The following MID1 variants were observed in gnomAD, a reference collection of about 807,000 sequenced individuals.
MID1 encodes the protein E3 ubiquitin-protein ligase Midline-1.
Under a neutral mutation model 40.4 loss-of-function variants are expected in MID1, and 7 were observed. The observed-to-expected ratio is 0.17, with a 90% CI of 0.10 to 0.33. The LOEUF is 0.33. MID1 is among the 10% of genes least tolerant of loss of function. The pLI is 1.00. For synonymous variants in MID1, 229 were observed against 221.2 expected (o/e 1.04, Z -0.31); for missense variants, 367 against 558.5 (o/e 0.66, Z 3.46).
intron 1 of MID1, among the ~76,000 whole-genome samples, chrX:10,637,910 T>C (rs956773766): frequency 6.2e-5 from 7 of 112,108 alleles, no homozygotes; most frequent in Admixed American, 1.9e-4. Flanking sequence ...GCAGGAACTC[T>C]CTGTACTACC....
chrX:10,694,181 G>A (rs2147078254), intron 1 of MID1, among the ~76,000 whole-genome samples: 1 of 111,948 alleles, frequency 8.9e-6, no homozygotes, highest in East Asian at 2.8e-4. Context: ...CCTCTCTGGG[G>A]GAGTTTCATG....
chrX:10,570,889 C>A (rs1401732755), intron 1 of MID1, among the ~76,000 whole-genome samples: 1 of 112,364 alleles, frequency 8.9e-6, no homozygotes, highest in Non-Finnish European at 1.9e-5. Context: ...GAGGCATATA[C>A]AGATAACCAG....
intron 1 of MID1, among the ~76,000 whole-genome samples, chrX:10,815,428 T>C (rs1349623023): frequency 8.9e-6 from 1 of 112,185 alleles, no homozygotes. Context: ...GTGTTTCTCA[T>C]TATGGAAGAA....
intron 1 of MID1, among the ~76,000 whole-genome samples, chrX:10,640,861 T>C (rs1156262050): frequency 9.0e-6 from 1 of 111,633 alleles, no homozygotes; most frequent in Non-Finnish European, 1.9e-5. Context: ...ATTAAGAAAC[T>C]CACTCAAAAC....
intron 2 of MID1, among the ~76,000 whole-genome samples, chrX:10,548,068 G>C (rs1933766544): frequency 8.9e-6 from 1 of 112,151 alleles, no homozygotes; most frequent in African/African-American, 3.2e-5. Flanking sequence ...AGAAAAAATA[G>C]CATGACTTAA....
intron 1 of MID1, among the ~76,000 whole-genome samples, chrX:10,777,115 C>G (rs1438816416): frequency 8.9e-6 from 1 of 112,731 alleles, no homozygotes; most frequent in East Asian, 2.8e-4. Flanking sequence ...GAGAAAGGAG[C>G]TGTCAAGTCT....
At chrX:10,529,908 T>C (rs1466588282) in intron 2 of MID1, among the ~76,000 whole-genome samples, 2 of 112,329 alleles carry the variant, frequency 1.8e-5, no homozygotes, top group African/African-American at 6.5e-5. Flanking sequence ...AAATCCAATG[T>C]AGTAAATCAA....
chrX:10,639,386 A>T (rs1302545997), intron 1 of MID1, among the ~76,000 whole-genome samples: 2 of 112,166 alleles, frequency 1.8e-5, no homozygotes, highest in Non-Finnish European at 3.8e-5. Context: ...TCAGTAGCCA[A>T]TTTGATCAAG....
rs758089179 is a variant in MID1, at chrX:10,455,053, T to C, written c.1472A>G (p.Lys491Arg). The C allele has an allele frequency of 1.7e-6, 2 of 1,208,721 alleles. No homozygotes were observed. The highest frequency in any genetic ancestry group is 1.8e-5 in the African/African-American group (1 of 57,085). Residue 491 changes from lysine (K) to arginine (R), a missense_variant, in exon 9 of 10, where the codon AAA becomes AGA. By Grantham distance (26) the Lys-to-Arg change is conservative. Transcript: ENST00000317552. ...TNSQPFKLDP[K>R]SAHRKLKVSH... ...CACCTTCAGTTTTCGATGAGCAGATTTGGGATCCAGTTTAAATGGTTGGCC... is the reference window on the plus strand; with the variant it reads ...CACCTTCAGTTTTCGATGAGCAGATCTGGGATCCAGTTTAAATGGTTGGCC...
At chrX:10,497,721 T>C (rs1202853431) in intron 3 of MID1, among the ~76,000 whole-genome samples, 3 of 111,553 alleles carry the variant, frequency 2.7e-5, no homozygotes, top group African/African-American at 9.8e-5. Context: ...CCAGCTCTAG[T>C]TTTTCTTTGA....
chrX:10,745,603 A>G (rs755690446), intron 1 of MID1, among the ~76,000 whole-genome samples: 1 of 112,756 alleles, frequency 8.9e-6, no homozygotes, highest in Non-Finnish European at 1.9e-5. Context: ...CAGAAGCATT[A>G]CAAAGATGAG....
chrX:10,510,572 C>T (rs1444101145), intron 3 of MID1, among the ~76,000 whole-genome samples: 1 of 111,294 alleles, frequency 9.0e-6, no homozygotes, highest in East Asian at 2.8e-4. Context: ...GTGGCTCACG[C>T]CTGTAATCCC....
chrX:10,770,464 A>T (rs2043758154), intron 1 of MID1, among the ~76,000 whole-genome samples: 1 of 111,887 alleles, frequency 8.9e-6, no homozygotes, highest in South Asian at 3.7e-4. Flanking sequence ...CAGAGAGGTG[A>T]TGCAATGCAG....
intron 3 of MID1, among the ~76,000 whole-genome samples, chrX:10,518,568 T>TA (rs974755229): frequency 1.8e-5 from 2 of 111,262 alleles, no homozygotes; most frequent in African/African-American, 6.5e-5. Context: ...ATTAAGAAGT[T>TA]AAAAAAATCT....
At chrX:10,716,834 A>C (rs1487588673) in intron 1 of MID1, among the ~76,000 whole-genome samples, 1 of 112,180 alleles carries the variant, frequency 8.9e-6, no homozygotes, top group Admixed American at 9.4e-5. Context: ...CATCAAACTA[A>C]CAGCTGATCT....
At chrX:10,540,881 G>A (rs779169458) in intron 2 of MID1, among the ~76,000 whole-genome samples, 35 of 112,287 alleles carry the variant, frequency 3.1e-4, no homozygotes, top group Non-Finnish European at 6.6e-4. Flanking sequence ...AAATGGGCAG[G>A]TAGATGGGTG....
At chrX:10,615,632 T>C (rs771573126) in intron 1 of MID1, among the ~76,000 whole-genome samples, 1 of 112,066 alleles carries the variant, frequency 8.9e-6, no homozygotes, top group South Asian at 3.8e-4. Flanking sequence ...GCTCCTACTA[T>C]CACCTGACCT....
chrX:10,627,399 G>C (rs1936006830), intron 1 of MID1, among the ~76,000 whole-genome samples: 1 of 111,984 alleles, frequency 8.9e-6, no homozygotes, highest in African/African-American at 3.2e-5. Flanking sequence ...CATGTAACCA[G>C]AGATACATAT....
At chrX:10,678,069 A>G (rs2043034751) in intron 1 of MID1, among the ~76,000 whole-genome samples, 1 of 111,176 alleles carries the variant, frequency 9.0e-6, no homozygotes, top group Non-Finnish European at 1.9e-5. Flanking sequence ...AGTTTGTAAC[A>G]TGATAGCAGA....
Sources: gnomAD v4.1 joint callset for allele counts (sites outside exome capture counted in the v4.1 genomes callset) on GRCh38, gnomAD v4.1.1 for gene constraint, MANE v1.5 for transcripts, NCBI Gene and HGNC (gene_info 2026-07-23, HGNC 2026-07-21) for gene names.